The following AP4E1 variants were observed in gnomAD, a reference collection of about 807,000 sequenced individuals.
The protein encoded by AP4E1 is AP-4 complex subunit epsilon-1.
Under a neutral mutation model 128.2 loss-of-function variants are expected in AP4E1, and 56 were observed. The observed-to-expected ratio is 0.44, with a 90% CI of 0.35 to 0.55. The LOEUF is 0.55. Ranked by LOEUF, AP4E1 falls within the 20% of genes least tolerant of loss-of-function variation. The pLI, the probability that AP4E1 is intolerant of heterozygous loss-of-function variation, is 0.00. For missense variants in AP4E1, 1,324 were observed against 1,307.7 expected (o/e 1.01, Z -0.19); for synonymous variants, 484 against 473.1 (o/e 1.02, Z -0.30).
intron 15 of AP4E1, among the ~76,000 whole-genome samples, chr15:50,976,253 A>G (rs187422729): frequency 6.6e-6 from 1 of 152,340 alleles, no homozygotes; most frequent in Admixed American, 6.5e-5. Flanking sequence ...ATGTGATATC[A>G]TGTTAACAGA....
intron 13 of AP4E1, among the ~76,000 whole-genome samples, chr15:50,957,261 G>A (rs1198789509): frequency 6.6e-6 from 1 of 152,148 alleles, no homozygotes; most frequent in Non-Finnish European, 1.5e-5. Context: ...AGCTGACAGG[G>A]GGACTGGGGC....
At chr15:50,999,321 T>A in intron 19 of AP4E1, 59 bp downstream of exon 19, 5 of 1,450,414 alleles carry the variant, frequency 3.4e-6, no homozygotes, top group South Asian at 1.2e-5. Flanking sequence ...TTTTTAGACC[T>A]CTTCTCTGGA....
At chr15:50,970,338 TCATCTGTTGTTGGA>T (rs2064461803) in intron 15 of AP4E1, among the ~76,000 whole-genome samples, 1 of 152,246 alleles carries the variant, frequency 6.6e-6, no homozygotes, top group Non-Finnish European at 1.5e-5. Context: ...CTTTATCCAT[TCATCTGTTGTTGGA>T]CACCTAGGCT....
intron 15 of AP4E1, among the ~76,000 whole-genome samples, chr15:50,974,657 ACTT>A (rs2064527722): frequency 6.6e-6 from 1 of 152,008 alleles, no homozygotes; most frequent in African/African-American, 2.4e-5. Context: ...AAGGGTTCTG[ACTT>A]CTTCACATCC....
rs1239167410 is a variant in AP4E1 at position 50,908,690 on chromosome 15, A to ACGGAGGCCGGGCCGGCAG, written c.-85_-68dup. On this transcript the variant is annotated 5_prime_UTR_variant, in exon 1 of 21. Transcript: ENST00000261842. ...CTTATTCAAAAAACAGGAAGTGCCT[A>ACGGAGGCCGGGCCGGCAG]CGGAGGCCGGGCCGGCAGCGGCGGC... is the stretch of plus-strand genomic sequence containing the variant. 366 of 1,361,058 alleles carry ACGGAGGCCGGGCCGGCAG rather than the reference A, an allele frequency of 2.7e-4. No homozygotes were observed. The highest frequency in any genetic ancestry group is 5.0e-4 in the Admixed American group (13 of 25,846). 84.3% of individuals were successfully genotyped at this position (1,361,058 alleles called of 1,614,324 possible).
At chr15:50,913,311 T>C (rs2063587158) in intron 2 of AP4E1, among the ~76,000 whole-genome samples, 1 of 152,258 alleles carries the variant, frequency 6.6e-6, no homozygotes, top group Admixed American at 6.5e-5. Flanking sequence ...TTCATAGTAC[T>C]AGATAGAAAC....
At chr15:50,936,869 G>A (rs2063914610) in intron 8 of AP4E1, among the ~76,000 whole-genome samples, 1 of 152,102 alleles carries the variant, frequency 6.6e-6, no homozygotes, top group African/African-American at 2.4e-5. Flanking sequence ...GGACCTGGGA[G>A]GCAGAGGTTA....
At chr15:50,945,334 A>G (rs926772249) in intron 10 of AP4E1, 3 of 780,430 alleles carry the variant, frequency 3.8e-6, no homozygotes, top group South Asian at 1.3e-5. Context: ...AGTACTGTAC[A>G]ACATGAGGCA....
At chr15:50,927,949 A>G (rs942396919) in intron 5 of AP4E1, among the ~76,000 whole-genome samples, 1 of 152,200 alleles carries the variant, frequency 6.6e-6, no homozygotes, top group African/African-American at 2.4e-5. Flanking sequence ...GTAGAAATAG[A>G]CAAGAGAGAG....
chr15:50,953,680 A>G (rs1330118571), intron 13 of AP4E1, among the ~76,000 whole-genome samples: 1 of 152,234 alleles, frequency 6.6e-6, no homozygotes, highest in Non-Finnish European at 1.5e-5. Context: ...AAGAGTTGCG[A>G]TGCTGGCAAT....
rs142761658 is a variant in AP4E1 at position 50,985,769 on chromosome 15, G to T, written c.2090+1624G>T. 2.1e-3 allele frequency among the ~76,000 whole-genome samples: 327 copies of T among 152,256 alleles called. 2 individuals are homozygous for T. The highest frequency in any genetic ancestry group is 7.6e-3 in the African/African-American group (316 of 41,532). ...TGATGCCTCCAGCTTTGTTCTTTTG[G>T]CTTAGGATTGACTTGGCAATGCGGG... On this transcript the variant is annotated intron_variant, in intron 16 of 20. Transcript: ENST00000261842.
chr15:50,939,650 TA>T (rs1273364265), intron 8 of AP4E1, among the ~76,000 whole-genome samples: 1 of 152,208 alleles, frequency 6.6e-6, no homozygotes, highest in Non-Finnish European at 1.5e-5. Context: ...TTTGAACTAT[TA>T]TTTTTTTTCC....
At chr15:50,911,184 C>CA (rs200652300) in intron 1 of AP4E1, among the ~76,000 whole-genome samples, 16 of 148,406 alleles carry the variant, frequency 1.1e-4, no homozygotes, top group East Asian at 9.8e-4. Flanking sequence ...TGATATTAGC[C>CA]AAAAAAAAAT....
chr15:50,910,931 G>A (rs2063560232), intron 1 of AP4E1, among the ~76,000 whole-genome samples: 1 of 152,216 alleles, frequency 6.6e-6, no homozygotes, highest in Non-Finnish European at 1.5e-5. Flanking sequence ...CAAAGTGCTG[G>A]GATTACAGGC....
intron 15 of AP4E1, among the ~76,000 whole-genome samples, chr15:50,983,367 A>G (rs1035373917): frequency 1.3e-5 from 2 of 152,170 alleles, no homozygotes; most frequent in Non-Finnish European, 2.9e-5. Context: ...GTATAATTTC[A>G]TAGGCTAGAC....
At chr15:50,975,432 C>T (rs901144921) in intron 15 of AP4E1, among the ~76,000 whole-genome samples, 2 of 152,084 alleles carry the variant, frequency 1.3e-5, no homozygotes, top group African/African-American at 4.8e-5. Context: ...AGTTTTGGGT[C>T]TTACAGTTAA....
chr15:50,956,045 C>A (rs1596482444), intron 13 of AP4E1, among the ~76,000 whole-genome samples: 1 of 152,298 alleles, frequency 6.6e-6, no homozygotes, highest in East Asian at 1.9e-4. Flanking sequence ...TTCTGGCTCT[C>A]CACATCCAGT....
At chr15:50,958,356 A>T in intron 13 of AP4E1, 136 bp from the exon 14 acceptor site, 1 of 713,874 alleles carries the variant, frequency 1.4e-6, no homozygotes, top group Non-Finnish European at 2.3e-6. Flanking sequence ...TTGTATCTTT[A>T]ATAATTTTTT....
At chr15:50,979,770 C>T (rs1400885855) in intron 15 of AP4E1, among the ~76,000 whole-genome samples, 1 of 152,128 alleles carries the variant, frequency 6.6e-6, no homozygotes, top group African/African-American at 2.4e-5. Flanking sequence ...AATGATCTGC[C>T]CACCTTGACC....
Sources: allele counts gnomAD v4.1 joint callset (sites outside exome capture counted in the v4.1 genomes callset), GRCh38; gene constraint gnomAD v4.1.1; transcripts MANE v1.5; gene names NCBI Gene and HGNC (gene_info 2026-07-23, HGNC 2026-07-21).